FAM135A: variants seen among roughly 807,000 people sequenced by gnomAD.
The protein encoded by FAM135A is protein FAM135A.
In FAM135A, 79 loss-of-function variants were observed where a neutral mutation model predicts 146.8. The observed-to-expected ratio is 0.54, with a 90% CI of 0.45 to 0.65. The LOEUF (loss-of-function observed/expected upper bound fraction) is 0.65, where lower values mean the gene tolerates loss of function less well. Among genes scored for constraint, FAM135A ranks in the 30% least tolerant of loss-of-function variants. FAM135A has a pLI of 0.00. For missense variants in FAM135A, 1,623 were observed against 1,758.2 expected, an observed-to-expected ratio of 0.92 and a Z score of 1.38; for synonymous variants, 562 against 603.6, an observed-to-expected ratio of 0.93 and a Z score of 1.01.
In FAM135A at chr6:70,451,797, T is replaced by C. The variant is rs189813929; in HGVS notation, c.78-695T>C. 5.3e-5 allele frequency among the ~76,000 whole-genome samples: 8 copies of C among 152,252 alleles called. No individual in the cohort carries two copies. In the East Asian group the frequency reaches 1.5e-3, roughly 29 times the overall value. Reference sequence around the variant, plus strand: ...TAAACTTATCCCTAATTTATAATGTTGATTGAGCTTTTGGTAATTTTGTGT... The same window carrying C: ...TAAACTTATCCCTAATTTATAATGTCGATTGAGCTTTTGGTAATTTTGTGT... On this transcript the variant is annotated intron_variant, in intron 4 of 21. Transcript: ENST00000418814.
intron 4 of FAM135A, among the ~76,000 whole-genome samples, chr6:70,429,284 G>T (rs556545134): frequency 6.6e-6 from 1 of 152,052 alleles, no homozygotes; most frequent in Non-Finnish European, 1.5e-5. Flanking sequence ...AGGCCGAGGC[G>T]GGCAGATCAC....
intron 16 of FAM135A, 27 bp from the exon 17 acceptor site, chr6:70,533,133 C>CT (rs774162581): frequency 1.3e-6 from 2 of 1,568,098 alleles, no homozygotes; most frequent in Non-Finnish European, 1.8e-6. Context: ...TTATCTCATC[C>CT]TTTAAACATC....
intron 12 of FAM135A, among the ~76,000 whole-genome samples, 174 bp from the exon 13 acceptor site, chr6:70,522,339 T>C (rs796645514): frequency 4.6e-5 from 7 of 152,198 alleles, no homozygotes; most frequent in African/African-American, 1.7e-4. Flanking sequence ...TTTCCAGATT[T>C]ATTTCATGCA....
rs763403388 is a variant in FAM135A at position 70,533,214 on chromosome 6, G to A, written c.3830G>A (p.Gly1277Glu). ...ACTTACATTGAACTTGGATTGCCTG[G>A]GGGAAGAATTGATTTTCTTATGTCT... Reference protein sequence around the residue: ...VKTYIELGLPGGRIDFLMSER... With the variant: ...VKTYIELGLPEGRIDFLMSER... The change falls in exon 17 of 22, where the codon GGG becomes GAG. Residue 1277 changes from glycine to glutamate, a missense_variant. By Grantham distance (98) the Gly-to-Glu change is moderately conservative. Coordinates refer to ENST00000418814, the MANE Select transcript of FAM135A (RefSeq NM_001162529.3). 17 of 1,613,272 alleles carry A rather than the reference G, an allele frequency of 1.1e-5. No individual in the cohort carries two copies. Among genetic ancestry groups the A allele is most frequent in the South Asian group, 9.9e-5 (9 of 91,016 alleles).
At chr6:70,510,636 G>A (rs1366114977) in intron 12 of FAM135A, among the ~76,000 whole-genome samples, 3 of 151,904 alleles carry the variant, frequency 2.0e-5, no homozygotes, top group Non-Finnish European at 2.9e-5. Context: ...TCCATTGTAT[G>A]GATATACTAC....
intron 2 of FAM135A, among the ~76,000 whole-genome samples, chr6:70,420,016 T>C (rs1047656496): frequency 2.6e-5 from 4 of 152,186 alleles, no homozygotes; most frequent in Admixed American, 1.3e-4. Context: ...TGTGGTATCT[T>C]TTGGGCATCA....
intron 19 of FAM135A, among the ~76,000 whole-genome samples, chr6:70,537,521 A>G (rs1797007693): frequency 6.6e-6 from 1 of 152,226 alleles, no homozygotes; most frequent in South Asian, 2.1e-4. Flanking sequence ...TAAATAATGT[A>G]TAATAGAACC....
At chr6:70,413,859 T>TGGCCCC (rs1317195440) in intron 1 of FAM135A, 157 bp downstream of exon 1, 14 of 985,008 alleles carry the variant, frequency 1.4e-5, no homozygotes, top group Admixed American at 6.2e-5. Flanking sequence ...GGTCGGAGCC[T>TGGCCCC]GGCCCCGGCC....
intron 20 of FAM135A, among the ~76,000 whole-genome samples, chr6:70,554,741 C>T (rs1412668175): frequency 6.6e-6 from 1 of 152,150 alleles, no homozygotes; most frequent in Admixed American, 6.5e-5. Flanking sequence ...GATTCTCCTG[C>T]CTCAGCCTCC....
chr6:70,537,725 T>G (rs1167984918), intron 19 of FAM135A, among the ~76,000 whole-genome samples: 1 of 152,158 alleles, frequency 6.6e-6, no homozygotes, highest in Non-Finnish European at 1.5e-5. Context: ...TGATTGAAAT[T>G]TTGCTTAATT....
intron 20 of FAM135A, among the ~76,000 whole-genome samples, chr6:70,538,785 C>T (rs1797240070): frequency 7.0e-6 from 1 of 143,804 alleles, no homozygotes; most frequent in Admixed American, 7.0e-5. Flanking sequence ...CCACGTTTTT[C>T]TACCTTCATA....
intron 4 of FAM135A, among the ~76,000 whole-genome samples, chr6:70,444,390 A>G (rs1775240043): frequency 6.7e-6 from 1 of 150,166 alleles, no homozygotes; most frequent in Non-Finnish European, 1.5e-5. Flanking sequence ...GTGACAGAGT[A>G]AGTCTGTGTC....
rs920680473 is a variant in FAM135A, at chr6:70,524,287, C to T, written c.1259-56C>T. 1.9e-5 allele frequency: 27 copies of T among 1,434,030 alleles called. No homozygotes were observed. In the African/African-American group the frequency reaches 3.8e-4, roughly 20 times the overall value. The allele number at this position is 1,434,030 out of a possible 1,614,324, so 88.8% of individuals were successfully genotyped here. A position where few individuals can be genotyped will look rare whatever the true frequency, so the allele number is the denominator to read the frequency against. On this transcript the variant is annotated intron_variant, in intron 14 of 21. Transcript: ENST00000418814. Reference sequence around the variant, plus strand: ...TATAGTTAGAAAAAGAAGTCTTAATCATATGAGTTCTCACACCTTGTTTTA... The same window carrying T: ...TATAGTTAGAAAAAGAAGTCTTAATTATATGAGTTCTCACACCTTGTTTTA...
chr6:70,457,005 A>G (rs1343332542), intron 5 of FAM135A, among the ~76,000 whole-genome samples: 1 of 152,202 alleles, frequency 6.6e-6, no homozygotes, highest in Non-Finnish European at 1.5e-5. Flanking sequence ...TATTCATTGC[A>G]GTGATCTAAA....
At position 70,452,520 on chromosome 6, in the gene FAM135A, A is replaced by T; in HGVS notation, c.106A>T (p.Ile36Phe). The T allele has an allele frequency of 6.3e-7, 1 of 1,597,682 alleles. No individual in the cohort carries two copies. The highest frequency in any genetic ancestry group is 1.8e-5 in the Admixed American group (1 of 56,034). The change falls in exon 5 of 22, where the codon ATT becomes TTT. Residue 36 changes from isoleucine to phenylalanine, a missense_variant. By Grantham distance (21) the Ile-to-Phe change is conservative. Around this residue, in one of 7 missense-constraint regions of FAM135A, gnomAD observed 171 missense variants for 164.9 expected, o/e 1.04. Coordinates refer to ENST00000418814, the MANE Select transcript of FAM135A (RefSeq NM_001162529.3). ...GFYQIRASMK[I>F]PSRIPHRVEA... Reference sequence around the variant, plus strand: ...TTACCAGATTCGTGCTTCTATGAAAATTCCATCAAGAATTCCCCACAGAGT... The same window carrying T: ...TTACCAGATTCGTGCTTCTATGAAATTTCCATCAAGAATTCCCCACAGAGT...
At chr6:70,452,910 A>T (rs1372563877) in intron 5 of FAM135A, among the ~76,000 whole-genome samples, 1 of 152,212 alleles carries the variant, frequency 6.6e-6, no homozygotes, top group African/African-American at 2.4e-5. Context: ...AAGGTGTTTT[A>T]TGATAAAGTT....
chr6:70,524,471 G>A lies in FAM135A; in HGVS notation c.1387G>A (p.Gly463Ser). ...CCCAGAGTTGAAAGTCAGACCTGCT[G>A]GTGCCTCCAGTATTTGGTATACAGA... ...SSPELKVRPAGASSIWYTEGE... is the reference protein window; with the variant it reads ...SSPELKVRPASASSIWYTEGE... The change falls in exon 15 of 22, where the codon GGT becomes AGT. Residue 463 changes from glycine to serine, a missense_variant. Gly to Ser is a moderately conservative substitution (Grantham distance 56, BLOSUM62 0). Coordinates refer to ENST00000418814, the MANE Select transcript of FAM135A (RefSeq NM_001162529.3). 2.6e-6 allele frequency: 4 copies of A among 1,551,042 alleles called. No homozygotes were observed. Among genetic ancestry groups the A allele is most frequent in the Non-Finnish European group, 2.6e-6 (3 of 1,146,726 alleles).
chr6:70,525,086 A>C lies in FAM135A; in HGVS notation c.2002A>C (p.Ser668Arg). 3.2e-6 allele frequency: 5 copies of C among 1,573,148 alleles called. No individual in the cohort carries two copies. The highest frequency in any genetic ancestry group is 4.3e-6 in the Non-Finnish European group (5 of 1,165,730). The change falls in exon 15 of 22, where the codon AGT becomes CGT. Residue 668 changes from serine (S) to arginine (R), a missense_variant. Transcript: ENST00000418814. ...AAAGCCCAGTAATAAAGATCCTTTC[A>C]GTGGAGAGAATATAACTGTCAAACT... ...EIKPSNKDPF[S>R]GENITVKLGP...
rs1470727884 is a variant in FAM135A at position 70,526,665 on chromosome 6, G to C, written c.3581G>C (p.Trp1194Ser). The C allele has an allele frequency of 6.2e-7, 1 of 1,602,868 alleles. No individual in the cohort carries two copies. The highest frequency in any genetic ancestry group is 1.7e-5 in the Admixed American group (1 of 58,408). ...TSYNFTSSIS[W>S]YESSPKPQIQ... is the part of the protein sequence containing the mutation. ...TACAACTTCACTTCTTCGATTTCCT[G>C]GTATGAAAGTTCACCAAAACCTCAA... Residue 1194 changes from tryptophan (W) to serine (S), a missense_variant, in exon 15 of 22, where the codon TGG (tryptophan) becomes TCG (serine). Trp to Ser is a radical substitution (Grantham distance 177). Coordinates refer to ENST00000418814, the MANE Select transcript of FAM135A (RefSeq NM_001162529.3).
Sources: allele counts gnomAD v4.1 joint callset (sites outside exome capture counted in the v4.1 genomes callset), GRCh38; gene constraint gnomAD v4.1.1; regional missense constraint gnomAD v4.1.1; transcripts MANE v1.5; gene names NCBI Gene and HGNC (gene_info 2026-07-23, HGNC 2026-07-21).